ADGRL3: variants seen among roughly 807,000 people sequenced by gnomAD.
ADGRL3 encodes the protein adhesion G protein-coupled receptor L3.
In ADGRL3, 62 loss-of-function variants were observed where a neutral mutation model predicts 153.5. That is an observed-to-expected ratio of 0.40 (90% CI 0.33 to 0.50). ADGRL3 has a LOEUF of 0.50. Among genes scored for constraint, ADGRL3 ranks in the 20% least tolerant of loss-of-function variants. The pLI is 0.47. For synonymous variants in ADGRL3, 710 were observed against 672.5 expected (o/e 1.06, Z -0.86); for missense variants, 1,641 against 1,859.4 (o/e 0.88, Z 2.16).
chr4:61,553,660 G>A (rs73822651), intron 4 of ADGRL3, among the ~76,000 whole-genome samples: 3,257 of 152,026 alleles, frequency 0.021, 97 homozygotes, highest in East Asian at 0.13. Flanking sequence ...GGCATAAAAG[G>A]AAACTTCAAT....
chr4:61,446,563 C>T (rs865907970), intron 2 of ADGRL3, among the ~76,000 whole-genome samples: 2 of 152,124 alleles, frequency 1.3e-5, no homozygotes, highest in African/African-American at 2.4e-5. Context: ...GAAATACCAA[C>T]GATACTAGTT....
At chr4:61,926,867 T>C (rs1045244469) in intron 13 of ADGRL3, among the ~76,000 whole-genome samples, 1 of 152,182 alleles carries the variant, frequency 6.6e-6, no homozygotes, top group Non-Finnish European at 1.5e-5. Context: ...GAACCCCTTA[T>C]ACTCTCTGCT....
At chr4:61,631,417 T>C (rs1004596042) in intron 5 of ADGRL3, among the ~76,000 whole-genome samples, 9 of 152,242 alleles carry the variant, frequency 5.9e-5, no homozygotes, top group East Asian at 1.9e-4. Flanking sequence ...TAATATTGAT[T>C]AACTCAACAT....
intron 5 of ADGRL3, among the ~76,000 whole-genome samples, chr4:61,647,189 G>A (rs1456598781): frequency 1.3e-5 from 2 of 152,062 alleles, no homozygotes; most frequent in African/African-American, 4.8e-5. Context: ...GCACTCCCTA[G>A]TGAGATGAAC....
intron 4 of ADGRL3, among the ~76,000 whole-genome samples, chr4:61,518,686 C>T (rs957384087): frequency 6.6e-6 from 1 of 152,162 alleles, no homozygotes; most frequent in African/African-American, 2.4e-5. Context: ...TTCAGATTGG[C>T]CTTTCTGCCT....
chr4:61,516,142 A>G (rs1384201045), intron 3 of ADGRL3, among the ~76,000 whole-genome samples: 1 of 152,004 alleles, frequency 6.6e-6, no homozygotes, highest in African/African-American at 2.4e-5. Context: ...TTTTTCCATA[A>G]AACTTGTATT....
At chr4:61,591,791 A>T (rs1269430897) in intron 5 of ADGRL3, among the ~76,000 whole-genome samples, 1 of 151,952 alleles carries the variant, frequency 6.6e-6, no homozygotes, top group African/African-American at 2.4e-5. Context: ...AGAGAGAGAG[A>T]GAAGGCCAGG....
intron 1 of ADGRL3, among the ~76,000 whole-genome samples, chr4:61,274,000 A>G (rs1452682848): frequency 1.3e-5 from 2 of 152,198 alleles, no homozygotes; most frequent in African/African-American, 4.8e-5. Context: ...TCCCATTTAT[A>G]ATAAAGCATG....
intron 2 of ADGRL3, among the ~76,000 whole-genome samples, chr4:61,478,599 C>A (rs1218769307): frequency 3.9e-5 from 6 of 152,028 alleles, no homozygotes; most frequent in African/African-American, 1.4e-4. Context: ...ATTTTCATAT[C>A]TGAATCTCTA....
intron 6 of ADGRL3, among the ~76,000 whole-genome samples, chr4:61,681,487 G>A (rs1203267360): frequency 6.6e-6 from 1 of 151,836 alleles, no homozygotes; most frequent in African/African-American, 2.4e-5. Context: ...TACACAATTT[G>A]GAAAGTGACT....
chr4:61,808,288 T>TG (rs201528121), intron 8 of ADGRL3, among the ~76,000 whole-genome samples: 1,795 of 152,274 alleles, frequency 0.012, 24 homozygotes, highest in Non-Finnish European at 0.016. Context: ...GAGCGGATGC[T>TG]GAATAAATAC....
intron 2 of ADGRL3, among the ~76,000 whole-genome samples, chr4:61,387,616 A>G (rs992635940): frequency 1.3e-5 from 2 of 152,116 alleles, no homozygotes; most frequent in African/African-American, 4.8e-5. Context: ...CTTTTGAAAG[A>G]GAAATACAGC....
At chr4:61,796,235 C>G (rs1371974027) in intron 8 of ADGRL3, among the ~76,000 whole-genome samples, 1 of 152,178 alleles carries the variant, frequency 6.6e-6, no homozygotes, top group African/African-American at 2.4e-5. Flanking sequence ...GCTGCCACCT[C>G]TCTGCTGTCT....
intron 1 of ADGRL3, among the ~76,000 whole-genome samples, chr4:61,369,621 A>C (rs1395753529): frequency 6.6e-6 from 1 of 152,120 alleles, no homozygotes; most frequent in Non-Finnish European, 1.5e-5. Context: ...GTGCTGCTGG[A>C]TTCGGTTTGC....
chr4:61,611,585 C>T (rs757286196), intron 5 of ADGRL3, among the ~76,000 whole-genome samples: 1 of 151,940 alleles, frequency 6.6e-6, no homozygotes, highest in Non-Finnish European at 1.5e-5. Context: ...CAGTAAATAT[C>T]TTTTTTTACA....
intron 13 of ADGRL3, among the ~76,000 whole-genome samples, chr4:61,932,599 G>A (rs2098822003): frequency 2.0e-5 from 3 of 152,066 alleles, no homozygotes; most frequent in African/African-American, 7.2e-5. Context: ...GAGAATTTTT[G>A]CATCTGTATT....
At chr4:61,213,487 C>T (rs1315586874) in intron 1 of ADGRL3, among the ~76,000 whole-genome samples, 4 of 151,956 alleles carry the variant, frequency 2.6e-5, no homozygotes, top group East Asian at 1.9e-4. Context: ...TACATGCTTA[C>T]GTTGAACACT....
chr4:61,380,917 T>C (rs2096659707), intron 1 of ADGRL3, among the ~76,000 whole-genome samples: 2 of 152,032 alleles, frequency 1.3e-5, no homozygotes, highest in African/African-American at 4.8e-5. Flanking sequence ...TATCATTTGA[T>C]ATAATACCTT....
intron 1 of ADGRL3, among the ~76,000 whole-genome samples, chr4:61,363,093 A>AT (rs1358442987): frequency 1.3e-5 from 2 of 152,168 alleles, no homozygotes; most frequent in Admixed American, 1.3e-4. Flanking sequence ...GGAACTTAAA[A>AT]TATTTCTTTT....
Sources: gnomAD v4.1 joint callset for allele counts (sites outside exome capture counted in the v4.1 genomes callset) on GRCh38, gnomAD v4.1.1 for gene constraint, MANE v1.5 for transcripts, NCBI Gene and HGNC (gene_info 2026-07-23, HGNC 2026-07-21) for gene names.